Variants in SMPDL3B observed in about 807,000 individuals in gnomAD.
The protein encoded by SMPDL3B is sphingomyelin phosphodiesterase acid like 3B.
In SMPDL3B, 31 loss-of-function variants were observed where a neutral mutation model predicts 37.9. The observed-to-expected ratio is 0.82, with a 90% confidence interval of 0.61 to 1.10. SMPDL3B has a LOEUF of 1.10. Ranked by LOEUF, SMPDL3B falls within the 50% of genes least tolerant of loss-of-function variation. The pLI, the probability that SMPDL3B is intolerant of heterozygous loss-of-function variation, is 0.00. For missense variants in SMPDL3B, 525 were observed against 597.8 expected (o/e 0.88, Z 1.27); for synonymous variants, 235 against 242.6 (o/e 0.97, Z 0.29).
At position 27,945,414 on chromosome 1, in the gene SMPDL3B, G is replaced by A; in HGVS notation, c.244G>A (p.Glu82Lys). ...NSSIYAMKEI[E>K]PEPDFILWTG... The stretch of plus-strand genomic sequence containing the variant: ...CTCCATCTATGCCATGAAGGAGATT[G>A]AGCCAGAGCCAGACTTCATTCTCTG... Residue 82 changes from glutamate (E) to lysine (K), a missense_variant, in exon 2 of 8, where the codon GAG (glutamate) becomes AAG (lysine). Transcript: ENST00000373894. This position sits in a 1 kb window ranked among gnomAD's most constrained non-coding sequence, Gnocchi z 4.0. 1 of 1,614,132 alleles carries A rather than the reference G, an allele frequency of 6.2e-7. No homozygotes were observed.
chr1:27,958,366 T>C lies in SMPDL3B; in HGVS notation c.1006-110T>C. The C allele has an allele frequency of 1.4e-6, 2 of 1,399,816 alleles. No homozygotes were observed. Among genetic ancestry groups the C allele is most frequent in the South Asian group, 2.7e-5 (2 of 74,820 alleles). 86.7% of individuals were successfully genotyped at this position (1,399,816 alleles called of 1,614,324 possible). On this transcript the variant is annotated intron_variant, in intron 7 of 7. Coordinates refer to ENST00000373894, the MANE Select transcript of SMPDL3B (RefSeq NM_014474.4). This position sits in a 1 kb window ranked among gnomAD's most constrained non-coding sequence, Gnocchi z 5.6. ...GCACAGCTAAGTGCTCAATAACTAC[T>C]AGTGGTCATGGTCACTGCTCTAAAG...
intron 7 of SMPDL3B, among the ~76,000 whole-genome samples, chr1:27,957,410 G>C (rs1212721951): frequency 6.6e-6 from 1 of 152,170 alleles, no homozygotes; most frequent in Non-Finnish European, 1.5e-5. Context: ...CGATTACTGA[G>C]ATAAGTGGCA....
chr1:27,940,387 G>T (rs140532047), intron 1 of SMPDL3B, among the ~76,000 whole-genome samples: 1 of 152,174 alleles, frequency 6.6e-6, no homozygotes, highest in African/African-American at 2.4e-5. Context: ...TGGTGAGAGG[G>T]GGCCTTGTAG....
chr1:27,942,750 G>A (rs547576208), intron 1 of SMPDL3B, among the ~76,000 whole-genome samples: 248 of 152,076 alleles, frequency 1.6e-3, no homozygotes, highest in African/African-American at 5.6e-3. Context: ...TGCAACCTCC[G>A]CCTCCTGGGT....
At chr1:27,950,873 G>A (rs557047950) in intron 3 of SMPDL3B, among the ~76,000 whole-genome samples, 8 of 152,252 alleles carry the variant, frequency 5.3e-5, no homozygotes, top group Non-Finnish European at 1.2e-4. Context: ...CAAGTGATCC[G>A]CACGCCTTGG....
At chr1:27,949,311 C>T in intron 3 of SMPDL3B, 149 bp downstream of exon 3, 1 of 790,200 alleles carries the variant, frequency 1.3e-6, no homozygotes, top group South Asian at 1.6e-5. Flanking sequence ...GTGACCATTT[C>T]TCACCTTCCT....
At chr1:27,947,062 G>T (rs1485335629) in intron 2 of SMPDL3B, among the ~76,000 whole-genome samples, 2 of 149,696 alleles carry the variant, frequency 1.3e-5, no homozygotes, top group Non-Finnish European at 1.5e-5. Context: ...TTGAGATGGA[G>T]TTTCGCTCTT....
At chr1:27,942,538 G>A (rs1031836976) in intron 1 of SMPDL3B, among the ~76,000 whole-genome samples, 1 of 152,226 alleles carries the variant, frequency 6.6e-6, no homozygotes, top group African/African-American at 2.4e-5. Flanking sequence ...GAGTGCAGTG[G>A]TGCAATCTCG....
chr1:27,942,774 C>T (rs2090371677), intron 1 of SMPDL3B, among the ~76,000 whole-genome samples: 1 of 152,204 alleles, frequency 6.6e-6, no homozygotes, highest in Non-Finnish European at 1.5e-5. Context: ...AGCAATTCTC[C>T]TGCCTCAGCC....
chr1:27,949,064 G>A lies in SMPDL3B; in HGVS notation c.276-1G>A, dbSNP rs1176875708. 6.2e-7 allele frequency: 1 copy of A among 1,614,078 alleles called. No homozygotes were observed. Among genetic ancestry groups the A allele is most frequent in the Non-Finnish European group, 8.5e-7 (1 of 1,180,020 alleles). On this transcript the variant is annotated splice_acceptor_variant, in intron 2 of 7. Transcript: ENST00000373894. LOFTEE classifies it high-confidence loss of function. ...CAAATTGGCTTGGTGGTGTTTTGTA[G>A]TGATGACACGCCTCATGTGCCCGAT...
At chr1:27,942,324 A>G (rs5018921) in intron 1 of SMPDL3B, 51 of 470,302 alleles carry the variant, frequency 1.1e-4, no homozygotes, top group African/African-American at 2.2e-4. Flanking sequence ...GGCCTCCCCC[A>G]ACATCCATCC....
intron 5 of SMPDL3B, 101 bp downstream of exon 5, chr1:27,954,627 C>T: frequency 8.9e-7 from 1 of 1,122,804 alleles, no homozygotes; most frequent in South Asian, 1.4e-5. Context: ...TGCCCATATC[C>T]CAGAGGGTCC....
chr1:27,948,861 T>C (rs1239726906), intron 2 of SMPDL3B: 48 of 868,068 alleles, frequency 5.5e-5, no homozygotes, highest in Non-Finnish European at 6.4e-5. Flanking sequence ...AAACAGCCAA[T>C]CAAGGGACCC....
At chr1:27,953,951 C>T (rs540437673) in intron 4 of SMPDL3B, among the ~76,000 whole-genome samples, 2 of 152,318 alleles carry the variant, frequency 1.3e-5, no homozygotes, top group Non-Finnish European at 2.9e-5. Flanking sequence ...TTGGGACTCC[C>T]CAGTGGTTAA....
chr1:27,945,316 G>A lies in SMPDL3B; in HGVS notation c.146G>A (p.Gly49Glu). ...CCCTTCCAGGTGTGCCCATCAGCTGGATCCCAGCCAGTGCCCGACGCAGGC... is the reference window on the plus strand; with the variant it reads ...CCCTTCCAGGTGTGCCCATCAGCTGAATCCCAGCCAGTGCCCGACGCAGGC... ...KDPFQVCPSA[G>E]SQPVPDAGPW... Residue 49 changes from glycine (G) to glutamate (E), a missense_variant, in exon 2 of 8, where the codon GGA (glycine) becomes GAA (glutamate). Transcript: ENST00000373894. The surrounding 1 kb of genome is among the most constrained non-coding windows in gnomAD (Gnocchi z 4.0). 1 of 1,614,184 alleles carries A rather than the reference G, an allele frequency of 6.2e-7. No individual in the cohort carries two copies. Among genetic ancestry groups the A allele is most frequent in the Non-Finnish European group, 8.5e-7 (1 of 1,180,036 alleles).
chr1:27,957,792 C>T (rs1297714950), intron 7 of SMPDL3B, among the ~76,000 whole-genome samples: 1 of 152,146 alleles, frequency 6.6e-6, no homozygotes, highest in African/African-American at 2.4e-5. Context: ...CCTGGCTCCA[C>T]CACTCATAAG....
chr1:27,951,920 A>G (rs892053229), intron 3 of SMPDL3B, among the ~76,000 whole-genome samples: 1 of 152,210 alleles, frequency 6.6e-6, no homozygotes, highest in African/African-American at 2.4e-5. Context: ...CTCCCTGTGA[A>G]AAAGGAAAAT....
Position 27,955,846 on chromosome 1 carries a change from A to T in SMPDL3B, c.853A>T (p.Met285Leu), listed in dbSNP as rs1361661476. The T allele has an allele frequency of 6.2e-7, 1 of 1,613,264 alleles. No homozygotes were observed. Among genetic ancestry groups the T allele is most frequent in the Non-Finnish European group, 8.5e-7 (1 of 1,179,480 alleles). The change falls in exon 6 of 8, where the codon ATG becomes TTG. Residue 285 changes from methionine to leucine, a missense_variant. Met to Leu is a conservative substitution (Grantham distance 15). Transcript: ENST00000373894. ...FGHHHTDSFR[M>L]LYDDAGVPIS... ...GCACCACCACACCGACAGCTTTCGGATGCTCTATGATGATGCAGGTATTCA... is the reference window on the plus strand; with the variant it reads ...GCACCACCACACCGACAGCTTTCGGTTGCTCTATGATGATGCAGGTATTCA...
At chr1:27,946,911 A>C (rs11589716) in intron 2 of SMPDL3B, among the ~76,000 whole-genome samples, 99,743 of 152,092 alleles carry the variant, frequency 0.66, 32,874 homozygotes, top group South Asian at 0.76. Context: ...AGAGAGTGAG[A>C]TTTGGTCCAT....
Sources: allele counts gnomAD v4.1 joint callset (sites outside exome capture counted in the v4.1 genomes callset), GRCh38; gene constraint gnomAD v4.1.1; non-coding constraint Gnocchi (gnomAD v3.1); transcripts MANE v1.5; gene names NCBI Gene and HGNC (gene_info 2026-07-23, HGNC 2026-07-21).